SHPRH: variants seen among roughly 807,000 people sequenced by gnomAD.
SHPRH encodes SNF2 histone linker PHD RING helicase.
In SHPRH, 106 loss-of-function variants were observed where a neutral mutation model predicts 202.5. The ratio of observed to expected loss-of-function variants is 0.52; its 90% CI spans 0.45 to 0.62. SHPRH has a LOEUF of 0.62. Among genes scored for constraint, SHPRH ranks in the 20% least tolerant of loss-of-function variants. The pLI is 0.00. For missense variants in SHPRH, 1,710 were observed against 2,020.0 expected (o/e 0.85, Z 2.94); for synonymous variants, 729 against 686.0 (o/e 1.06, Z -0.98).
At chr6:145,908,123 C>G (rs1008592298) in intron 25 of SHPRH, 1 of 152,142 alleles carries the variant, frequency 6.6e-6, no homozygotes, top group Admixed American at 6.6e-5. Flanking sequence ...CATAGTATTA[C>G]ATGGTGCATA....
chr6:145,923,611 T>C (rs1419584258), intron 18 of SHPRH, 32 bp downstream of exon 18: 6 of 1,603,472 alleles, frequency 3.7e-6, no homozygotes, highest in Admixed American at 1.7e-5. Context: ...TTTAAAATTA[T>C]GAGTAGATAC....
chr6:145,879,211 T>A (rs538386468), intron 2 of SHPRH, among the ~76,000 whole-genome samples: 1 of 152,298 alleles, frequency 6.6e-6, no homozygotes, highest in South Asian at 2.1e-4. Flanking sequence ...AAATTACTAT[T>A]TACTGAACAC....
rs1056111708 is a variant in SHPRH, at chr6:145,874,652, T to C, written c.222-10161A>G. Among the ~76,000 whole-genome samples the C allele has an allele frequency of 3.9e-5, 6 of 152,220 alleles. No individual in the cohort carries two copies. In the East Asian group the frequency reaches 1.2e-3, roughly 29 times the overall value. On this transcript the variant is annotated intron_variant, in intron 2 of 2. Transcript: ENST00000417762. ...ATCCTTTACTAGGTGGCAAAATTGA[T>C]TTTAAAATCACATTTTTATCCCCTT... is the stretch of plus-strand genomic sequence containing the variant.
chr6:145,919,613 A>G (rs1416001933), intron 21 of SHPRH, 122 bp from the exon 22 acceptor site: 2 of 1,130,974 alleles, frequency 1.8e-6, no homozygotes, highest in East Asian at 5.3e-5. Flanking sequence ...CTATGTGTCT[A>G]ACGTACAAGT....
At chr6:145,884,481 T>C (rs893667462), downstream of SHPRH, 7 of 152,200 alleles carry the variant, frequency 4.6e-5, no homozygotes, top group Admixed American at 2.6e-4. Context: ...ACTCTAACAA[T>C]TGCGGCTATC....
chr6:145,861,241 A>T (rs1325096222), downstream of SHPRH, among the ~76,000 whole-genome samples: 1 of 152,116 alleles, frequency 6.6e-6, no homozygotes, highest in East Asian at 1.9e-4. Context: ...CTACAACTCA[A>T]TAGAAAACAA....
chr6:145,886,229 C>G lies in SHPRH; in HGVS notation c.*462G>C. 2.3e-6 allele frequency: 1 copy of G among 436,624 alleles called. No individual in the cohort carries two copies. The highest frequency in any genetic ancestry group is 4.3e-6 in the Non-Finnish European group (1 of 232,560). 27.0% of individuals were successfully genotyped at this position (436,624 alleles called of 1,614,324 possible). A position where few individuals can be genotyped will look rare whatever the true frequency, so the allele number is the denominator to read the frequency against. ...AAAATGGGTTAATATAATTCACCAT[C>G]TACTTAAAATATTACTAACAAGATA... On this transcript the variant is annotated 3_prime_UTR_variant, in exon 30 of 30. Transcript: ENST00000275233.
Position 145,884,823 on chromosome 6 carries a change from A to G in SHPRH, c.*1868T>C, listed in dbSNP as rs1044883140. On this transcript the variant is annotated 3_prime_UTR_variant, in exon 30 of 30. Transcript: ENST00000275233. ...ATTCCACAATTTTCATTTCCACTAA[A>G]ATATTTATTTAATGGATATCTTACA... is the stretch of plus-strand genomic sequence containing the variant. 2.0e-5 allele frequency: 3 copies of G among 152,172 alleles called. No individual in the cohort carries two copies. The highest frequency in any genetic ancestry group is 7.2e-5 in the African/African-American group (3 of 41,460). The allele number at this position is 152,172 out of a possible 1,614,324, so 9.4% of individuals were successfully genotyped here.
At chr6:145,896,452 C>CA (rs910762083) in intron 25 of SHPRH, among the ~76,000 whole-genome samples, 2 of 151,588 alleles carry the variant, frequency 1.3e-5, no homozygotes, top group African/African-American at 2.4e-5. Flanking sequence ...ACTAAAAGTT[C>CA]AAAAAAAATG....
In SHPRH at chr6:145,933,277, C is replaced by A. The variant is rs554065602; in HGVS notation, c.2991-99G>T. 6 of 1,506,148 alleles carry A rather than the reference C, an allele frequency of 4.0e-6. No homozygotes were observed. In the African/African-American group the frequency reaches 8.3e-5, roughly 21 times the overall value. 93.3% of individuals were successfully genotyped at this position (1,506,148 alleles called of 1,614,324 possible). A position where few individuals can be genotyped will look rare whatever the true frequency, so the allele number is the denominator to read the frequency against. ...CACATGATCAAGAGTGTATGAGACT[C>A]GCAGTTTTTGTGGTATCTCTAGCAT... is the stretch of plus-strand genomic sequence containing the variant. On this transcript the variant is annotated intron_variant, in intron 13 of 29. Transcript: ENST00000275233.
At chr6:145,932,959 A>G (rs1785628492) in intron 14 of SHPRH, 98 bp downstream of exon 14, 1 of 1,300,978 alleles carries the variant, frequency 7.7e-7, no homozygotes, top group Non-Finnish European at 1.0e-6. Context: ...TTTTTGGGGG[A>G]AAAATCCCCC....
rs191487512 is a variant in SHPRH, at chr6:145,897,430, T to C, written c.4516-2453A>G. On this transcript the variant is annotated intron_variant, in intron 25 of 29. Coordinates refer to ENST00000275233, the MANE Select transcript of SHPRH (RefSeq NM_001042683.3). ...CCTCAAAGAAAAGCATAGGAACTAG[T>C]GGTTTCACTGGTAAAGTTAAACAAT... 3.6e-3 allele frequency among the ~76,000 whole-genome samples: 553 copies of C among 152,234 alleles called. 4 individuals are homozygous for C. The highest frequency in any genetic ancestry group is 0.013 in the African/African-American group (528 of 41,582).
downstream of SHPRH, among the ~76,000 whole-genome samples, chr6:145,860,359 A>T (rs1043470144): frequency 6.6e-6 from 1 of 152,064 alleles, no homozygotes; most frequent in Non-Finnish European, 1.5e-5. Context: ...CTACACACTA[A>T]ACAACCTATC....
At chr6:145,959,120 C>T (rs1266831949) in intron 1 of SHPRH, among the ~76,000 whole-genome samples, 2 of 152,158 alleles carry the variant, frequency 1.3e-5, no homozygotes, top group Non-Finnish European at 2.9e-5. Context: ...CAGGCGTGAG[C>T]CACCGCGCCT....
chr6:145,886,872 T>C (rs1279569943), intron 29 of SHPRH, 85 bp from the exon 30 acceptor site: 1 of 1,392,872 alleles, frequency 7.2e-7, no homozygotes, highest in African/African-American at 1.5e-5. Flanking sequence ...ACTAGACACA[T>C]ATTTTTTCTT....
Position 145,872,485 on chromosome 6 carries a change from G to T in SHPRH, c.222-7994C>A, listed in dbSNP as rs955956317. On this transcript the variant is annotated intron_variant, in intron 2 of 2. Coordinates refer to the SHPRH transcript ENST00000417762. Reference sequence around the variant, plus strand: ...AGATAAATGCAAATCAAAACCAAATGAGATACCATCTTACATCATTCAGGA... The same window carrying T: ...AGATAAATGCAAATCAAAACCAAATTAGATACCATCTTACATCATTCAGGA... 2.0e-5 allele frequency among the ~76,000 whole-genome samples: 3 copies of T among 152,242 alleles called. No individual in the cohort carries two copies. The East Asian group carries it at 5.8e-4, about 29-fold the overall frequency.
At chr6:145,944,013 G>A (rs1214922435) in intron 8 of SHPRH, among the ~76,000 whole-genome samples, 1 of 152,014 alleles carries the variant, frequency 6.6e-6, no homozygotes, top group Non-Finnish European at 1.5e-5. Context: ...CTCTACAAGT[G>A]TCAGATTTGG....
At position 145,886,573 on chromosome 6, in the gene SHPRH, T is replaced by G; in HGVS notation, c.*118A>C. 2.7e-6 allele frequency: 4 copies of G among 1,502,502 alleles called. No homozygotes were observed. Among genetic ancestry groups the G allele is most frequent in the Non-Finnish European group, 3.6e-6 (4 of 1,122,678 alleles). The allele number at this position is 1,502,502 out of a possible 1,614,324, so 93.1% of individuals were successfully genotyped here. On this transcript the variant is annotated 3_prime_UTR_variant, in exon 30 of 30. Transcript: ENST00000275233. ...TGTATAACCAGAACAATAAACAAATTCATTCAACTAGGAACAGTGTTACTG... is the reference window on the plus strand; with the variant it reads ...TGTATAACCAGAACAATAAACAAATGCATTCAACTAGGAACAGTGTTACTG...
intron 28 of SHPRH, among the ~76,000 whole-genome samples, chr6:145,889,814 G>A (rs1471697877): frequency 1.3e-5 from 2 of 152,088 alleles, no homozygotes; most frequent in Non-Finnish European, 2.9e-5. Context: ...GAGAAAGAAT[G>A]GAGTCCAGGA....
Sources: gnomAD v4.1 joint callset for allele counts (sites outside exome capture counted in the v4.1 genomes callset) on GRCh38, gnomAD v4.1.1 for gene constraint, MANE v1.5 for transcripts, NCBI Gene and HGNC (gene_info 2026-07-23, HGNC 2026-07-21) for gene names.